TMEM135: variants seen among roughly 807,000 people sequenced by gnomAD.
The protein encoded by TMEM135 is transmembrane protein 135, also known as peroxisomal membrane protein 52.
TMEM135 carries 30 observed loss-of-function variants against 60.3 expected under a neutral mutation model. That is an observed-to-expected ratio of 0.50 (90% CI 0.37 to 0.68). The LOEUF (loss-of-function observed/expected upper bound fraction) is 0.68, where lower values mean the gene tolerates loss of function less well. Ranked by LOEUF, TMEM135 falls within the 30% of genes least tolerant of loss-of-function variation. The pLI is 0.00. For missense variants in TMEM135, 468 were observed against 548.8 expected (o/e 0.85, Z 1.47); for synonymous variants, 190 against 186.7 (o/e 1.02, Z -0.14).
chr11:87,153,905 G>T (rs1777437469), intron 4 of TMEM135, among the ~76,000 whole-genome samples: 1 of 152,114 alleles, frequency 6.6e-6, no homozygotes, highest in Non-Finnish European at 1.5e-5. Flanking sequence ...TTTTATTAGG[G>T]TCTAAATCCT....
intron 3 of TMEM135, among the ~76,000 whole-genome samples, chr11:87,088,001 G>T (rs1298619265): frequency 3.3e-5 from 5 of 152,182 alleles, no homozygotes; most frequent in Non-Finnish European, 7.4e-5. Context: ...GCCTCCTGAA[G>T]TGTTGGGATT....
At chr11:87,063,141 G>C (rs1198473745) in intron 1 of TMEM135, among the ~76,000 whole-genome samples, 1 of 152,148 alleles carries the variant, frequency 6.6e-6, no homozygotes, top group African/African-American at 2.4e-5. Context: ...GATAATCAGT[G>C]TATAACATTC....
Position 87,328,531 on chromosome 11 carries a change from A to G in TMEM135, c.*7198A>G. On this transcript the variant is annotated 3_prime_UTR_variant, in exon 15 of 15. Transcript: ENST00000305494. ...CTTCTGAGTCTCCATAGTCCATTAT[A>G]TCACTCTGTATACCCTTGTGTATCC... The G allele has an allele frequency of 2.2e-6, 1 of 454,068 alleles. No homozygotes were observed. The allele number at this position is 454,068 out of a possible 1,614,324, so 28.1% of individuals were successfully genotyped here. A position where few individuals can be genotyped will look rare whatever the true frequency, so the allele number is the denominator to read the frequency against.
chr11:87,067,655 T>A (rs773717823), intron 1 of TMEM135, 39 bp from the exon 2 acceptor site: 1 of 1,611,370 alleles, frequency 6.2e-7, no homozygotes, highest in Admixed American at 1.7e-5. Context: ...AAGTGGGAAA[T>A]GTTGGTTGGA....
At chr11:87,226,217 G>A (rs1940761533) in intron 5 of TMEM135, among the ~76,000 whole-genome samples, 2 of 152,228 alleles carry the variant, frequency 1.3e-5, no homozygotes, top group South Asian at 2.1e-4. Context: ...CCAATAAACT[G>A]CATTTCCTTT....
At chr11:87,122,520 T>G (rs1829359) in intron 4 of TMEM135, among the ~76,000 whole-genome samples, 71,716 of 150,594 alleles carry the variant, frequency 0.48, 17,340 homozygotes, top group East Asian at 0.67. Flanking sequence ...GAGTGCAGTG[T>G]CATAATCTCG....
At chr11:87,039,882 T>G (rs573478441) in intron 1 of TMEM135, among the ~76,000 whole-genome samples, 2 of 152,302 alleles carry the variant, frequency 1.3e-5, no homozygotes, top group Admixed American at 1.3e-4. Flanking sequence ...CCTAGACAAT[T>G]TATGGATTAT....
intron 5 of TMEM135, among the ~76,000 whole-genome samples, chr11:87,176,023 T>C (rs752372895): frequency 1.8e-4 from 27 of 152,170 alleles, no homozygotes; most frequent in Non-Finnish European, 3.8e-4. Context: ...TGTTTGCACA[T>C]CATTTTTATT....
chr11:87,105,990 T>G (rs542598087), intron 4 of TMEM135, among the ~76,000 whole-genome samples: 1 of 152,182 alleles, frequency 6.6e-6, no homozygotes, highest in Non-Finnish European at 1.5e-5. Context: ...GAGATCAACT[T>G]TTTTAGCTCT....
At chr11:87,159,614 CA>C (rs1938809310) in intron 5 of TMEM135, among the ~76,000 whole-genome samples, 1 of 146,220 alleles carries the variant, frequency 6.8e-6, no homozygotes, top group African/African-American at 2.5e-5. Flanking sequence ...CACACACACA[CA>C]CACCATAGAT....
chr11:87,116,586 C>G (rs1194502917), intron 4 of TMEM135, among the ~76,000 whole-genome samples: 5 of 150,136 alleles, frequency 3.3e-5, no homozygotes, highest in African/African-American at 1.2e-4. Flanking sequence ...TGATTAATAT[C>G]TATTAAGATT....
chr11:87,047,357 G>A (rs563484706), intron 1 of TMEM135, among the ~76,000 whole-genome samples: 2 of 151,976 alleles, frequency 1.3e-5, no homozygotes, highest in Non-Finnish European at 2.9e-5. Flanking sequence ...AGCTCCCAGC[G>A]TGAGCGACGC....
At chr11:87,245,768 T>G (rs1469194313) in intron 6 of TMEM135, among the ~76,000 whole-genome samples, 4 of 114,264 alleles carry the variant, frequency 3.5e-5, no homozygotes, top group Non-Finnish European at 7.7e-5. Context: ...ATGGGTTTCC[T>G]GAGTACAGCA....
chr11:87,208,881 T>G (rs1940298338), intron 5 of TMEM135, among the ~76,000 whole-genome samples: 1 of 152,182 alleles, frequency 6.6e-6, no homozygotes, highest in African/African-American at 2.4e-5. Context: ...GGAGGAACCT[T>G]ACAAGCTAAA....
At chr11:87,240,832 T>C (rs911996284) in intron 6 of TMEM135, among the ~76,000 whole-genome samples, 3 of 152,144 alleles carry the variant, frequency 2.0e-5, no homozygotes, top group Non-Finnish European at 4.4e-5. Context: ...TAGAAATTCT[T>C]TCCACATCCC....
intron 3 of TMEM135, among the ~76,000 whole-genome samples, chr11:87,090,544 G>A (rs1857184604): frequency 6.6e-6 from 1 of 152,002 alleles, no homozygotes; most frequent in African/African-American, 2.4e-5. Context: ...TTTGAGTACT[G>A]AAAATGTTCA....
Position 87,325,046 on chromosome 11 carries a change from G to T in TMEM135, c.*3713G>T. 1 of 454,032 alleles carries T rather than the reference G, an allele frequency of 2.2e-6. No individual in the cohort carries two copies. Among genetic ancestry groups the T allele is most frequent in the Non-Finnish European group, 4.4e-6 (1 of 226,774 alleles). The allele number at this position is 454,032 out of a possible 1,614,324, so 28.1% of individuals were successfully genotyped here. Reference sequence around the variant, plus strand: ...TTGCCTCCAGCCCTTTACTATTGGTGCTGAAGCCACCATTGGTGCCAGCTC... The same window carrying T: ...TTGCCTCCAGCCCTTTACTATTGGTTCTGAAGCCACCATTGGTGCCAGCTC... On this transcript the variant is annotated 3_prime_UTR_variant, in exon 15 of 15. Transcript: ENST00000305494.
chr11:87,092,419 C>T (rs943169450), intron 4 of TMEM135, among the ~76,000 whole-genome samples: 1 of 152,136 alleles, frequency 6.6e-6, no homozygotes, highest in Non-Finnish European at 1.5e-5. Context: ...TGTGGACATT[C>T]TGTATAGAAA....
chr11:87,262,702 C>T (rs1057035874), intron 6 of TMEM135, among the ~76,000 whole-genome samples: 1 of 152,080 alleles, frequency 6.6e-6, no homozygotes, highest in Non-Finnish European at 1.5e-5. Context: ...TGCTGCAGGT[C>T]TGTGGGGGCA....
Sources: gnomAD v4.1 joint callset for allele counts (sites outside exome capture counted in the v4.1 genomes callset) on GRCh38, gnomAD v4.1.1 for gene constraint, MANE v1.5 for transcripts, NCBI Gene and HGNC (gene_info 2026-07-23, HGNC 2026-07-21) for gene names.